The following ENTREP2 variants were observed in gnomAD, a reference collection of about 807,000 sequenced individuals.
The protein encoded by ENTREP2 is endosomal transmembrane epsin interactor 2.
the ENTREP2 span, among the ~76,000 whole-genome samples, chr15:29,152,530 A>G: frequency 1.3e-5 from 2 of 152,346 alleles, no homozygotes; most frequent in South Asian, 2.1e-4. Flanking sequence ...CACAGCATGT[A>G]ACCTTTCAGA....
the ENTREP2 span, among the ~76,000 whole-genome samples, chr15:29,415,589 T>C: frequency 0.76 from 114,909 of 151,846 alleles, 44,636 homozygotes; most frequent in African/African-American, 0.93. Flanking sequence ...AAAACTGGCA[T>C]AAGACAGGGA....
chr15:29,516,869 T>C, the ENTREP2 span, among the ~76,000 whole-genome samples: 4 of 151,174 alleles, frequency 2.6e-5, no homozygotes, highest in Admixed American at 2.6e-4. Flanking sequence ...TGGGGTGAGT[T>C]AGGCTATGTC....
the ENTREP2 span, among the ~76,000 whole-genome samples, chr15:29,258,889 G>A: frequency 1.3e-5 from 2 of 152,238 alleles, no homozygotes; most frequent in African/African-American, 4.8e-5. Context: ...TGTCTTCAAG[G>A]TTCATCCATA....
the ENTREP2 span, among the ~76,000 whole-genome samples, chr15:29,339,627 C>T: frequency 2.0e-4 from 31 of 152,290 alleles, no homozygotes; most frequent in East Asian, 5.8e-3. Context: ...ACAGCAGTGG[C>T]CCCCAGCAGC....
At chr15:29,485,807 A>G in the ENTREP2 span, among the ~76,000 whole-genome samples, 2,042 of 152,320 alleles carry the variant, frequency 0.013, 46 homozygotes, top group African/African-American at 0.047. Flanking sequence ...CAAAACCACA[A>G]TGATATATAC....
the ENTREP2 span, among the ~76,000 whole-genome samples, chr15:29,603,615 C>G: frequency 1.3e-5 from 2 of 152,042 alleles, no homozygotes; most frequent in African/African-American, 4.8e-5. Flanking sequence ...GTGTGAAACT[C>G]CAATTTCATT....
chr15:29,600,204 A>G, the ENTREP2 span, among the ~76,000 whole-genome samples: 1 of 152,152 alleles, frequency 6.6e-6, no homozygotes, highest in Non-Finnish European at 1.5e-5. Context: ...CTTTTTAGGC[A>G]CACACTTTGA....
the ENTREP2 span, among the ~76,000 whole-genome samples, chr15:29,516,944 T>G: frequency 1.0e-5 from 1 of 98,640 alleles, no homozygotes; most frequent in Admixed American, 1.0e-4. Context: ...TTCCAGAATT[T>G]AAGGAAATAA....
the ENTREP2 span, among the ~76,000 whole-genome samples, chr15:29,287,770 CATGTGAAA>C: frequency 6.6e-6 from 1 of 152,176 alleles, no homozygotes; most frequent in African/African-American, 2.4e-5. Context: ...CTAAAAAGCT[CATGTGAAA>C]ATGCAAATGG....
At chr15:29,184,003 CAG>C in the ENTREP2 span, among the ~76,000 whole-genome samples, 3 of 151,396 alleles carry the variant, frequency 2.0e-5, no homozygotes, top group Admixed American at 2.0e-4. Context: ...TTTTTTGAGA[CAG>C]AGTCTTGTTC....
At chr15:29,622,541 C>T in the ENTREP2 span, among the ~76,000 whole-genome samples, 4 of 151,964 alleles carry the variant, frequency 2.6e-5, no homozygotes, top group Middle Eastern at 3.2e-3. Flanking sequence ...TGTTTTTCAC[C>T]ATAACTTTTA....
the ENTREP2 span, among the ~76,000 whole-genome samples, chr15:29,440,306 A>G: frequency 6.6e-6 from 1 of 152,194 alleles, no homozygotes; most frequent in Non-Finnish European, 1.5e-5. Context: ...TTAATACAGG[A>G]GTCCCCTCAC....
chr15:29,179,668 C>A, the ENTREP2 span, among the ~76,000 whole-genome samples: 1 of 151,766 alleles, frequency 6.6e-6, no homozygotes, highest in Non-Finnish European at 1.5e-5. Flanking sequence ...GCAAGCTCCG[C>A]CTCCCGGGTT....
chr15:29,523,787 G>A, the ENTREP2 span, among the ~76,000 whole-genome samples: 1 of 151,732 alleles, frequency 6.6e-6, no homozygotes, highest in Non-Finnish European at 1.5e-5. Context: ...TAATGCAAAA[G>A]GAACAGTCTT....
the ENTREP2 span, among the ~76,000 whole-genome samples, chr15:29,575,363 G>A: frequency 1.3e-5 from 2 of 152,052 alleles, no homozygotes; most frequent in Admixed American, 6.6e-5. Context: ...TCCTCAACAC[G>A]ATAAAGGACA....
chr15:29,674,712 C>T, the ENTREP2 span, among the ~76,000 whole-genome samples: 3 of 100,104 alleles, frequency 3.0e-5, no homozygotes, highest in South Asian at 7.2e-4. Context: ...GCCGGGGGGG[C>T]GGAGGGAAGG....
At chr15:29,252,257 T>C in the ENTREP2 span, 6 of 577,900 alleles carry the variant, frequency 1.0e-5, no homozygotes, top group East Asian at 6.0e-5. Context: ...TCAGAATGAA[T>C]TGAAAGTGTA....
chr15:29,279,184 C>T, the ENTREP2 span, among the ~76,000 whole-genome samples: 3 of 152,138 alleles, frequency 2.0e-5, no homozygotes, highest in Non-Finnish European at 2.9e-5. Flanking sequence ...CAGCCCATCA[C>T]GTATGTTGAC....
chr15:29,512,177 C>A, the ENTREP2 span, among the ~76,000 whole-genome samples: 1 of 152,058 alleles, frequency 6.6e-6, no homozygotes, highest in Admixed American at 6.6e-5. Context: ...CTTCCAAAGG[C>A]CCCTGGAAGA....
Sources: allele counts gnomAD v4.1 joint callset (sites outside exome capture counted in the v4.1 genomes callset), GRCh38; gene constraint gnomAD v4.1.1; transcripts MANE v1.5; gene names NCBI Gene and HGNC (gene_info 2026-07-23, HGNC 2026-07-21).